Variants in HS3ST5 observed in about 807,000 individuals in gnomAD.
HS3ST5 encodes heparan sulfate glucosamine 3-O-sulfotransferase 5.
Under a neutral mutation model 25.4 loss-of-function variants are expected in HS3ST5, and 10 were observed. The ratio of observed to expected loss-of-function variants is 0.39; its 90% confidence interval spans 0.24 to 0.67. The LOEUF (loss-of-function observed/expected upper bound fraction) is 0.67, where lower values mean the gene tolerates loss of function less well. Among genes scored for constraint, HS3ST5 ranks in the 30% least tolerant of loss-of-function variants. The pLI, the probability that HS3ST5 is intolerant of heterozygous loss-of-function variation, is 0.44. For missense variants in HS3ST5, 324 were observed against 420.7 expected (o/e 0.77, Z 2.01); for synonymous variants, 170 against 162.4 (o/e 1.05, Z -0.36).
intron 3 of HS3ST5, among the ~76,000 whole-genome samples, chr6:114,157,183 A>C (rs575343371): frequency 2.0e-5 from 3 of 152,058 alleles, no homozygotes; most frequent in Admixed American, 6.5e-5. Flanking sequence ...CGAGTGTGAT[A>C]CTTTCTACTT....
intron 2 of HS3ST5, among the ~76,000 whole-genome samples, chr6:114,216,728 T>TA (rs760077446): frequency 0.08 from 7,211 of 90,096 alleles, 306 homozygotes; most frequent in Middle Eastern, 0.12. Context: ...TCGTCCTCCT[T>TA]AAAAAAAAAA....
At chr6:114,230,529 C>A (rs899876213) in intron 1 of HS3ST5, among the ~76,000 whole-genome samples, 13 of 151,288 alleles carry the variant, frequency 8.6e-5, no homozygotes, top group Non-Finnish European at 1.6e-4. Context: ...GGCAGAGACT[C>A]TTTAATAGAT....
chr6:114,173,719 C>T (rs896653930), intron 2 of HS3ST5, among the ~76,000 whole-genome samples: 2 of 151,970 alleles, frequency 1.3e-5, no homozygotes, highest in African/African-American at 2.4e-5. Flanking sequence ...ATTACTTGGA[C>T]GTAGTCGCGG....
At chr6:114,194,467 G>A (rs1343439703) in intron 2 of HS3ST5, among the ~76,000 whole-genome samples, 4 of 152,166 alleles carry the variant, frequency 2.6e-5, no homozygotes, top group Admixed American at 6.6e-5. Context: ...TCTTATGTAA[G>A]GGCTAAACAG....
Position 114,114,968 on chromosome 6 carries a change from G to C in HS3ST5, c.-32-52091C>G, listed in dbSNP as rs138042979. Among the ~76,000 whole-genome samples, 642 of 152,196 alleles carry C rather than the reference G, an allele frequency of 4.2e-3. 2 individuals carry two copies. Among genetic ancestry groups the C allele is most frequent in the Admixed American group, 0.014 (207 of 15,268 alleles). ...TAAGCTTTATAAATGCAAGGACAGT[G>C]TTCATATGGTTCAGTATTTTTTCTG... is the stretch of plus-strand genomic sequence containing the variant. On this transcript the variant is annotated intron_variant, in intron 3 of 4. Transcript: ENST00000312719.
chr6:114,262,017 T>C (rs1317717981), intron 1 of HS3ST5, among the ~76,000 whole-genome samples: 2 of 152,212 alleles, frequency 1.3e-5, no homozygotes, highest in Non-Finnish European at 2.9e-5. Context: ...TTGTTTTCAA[T>C]GCAATTTCAT....
chr6:114,127,924 A>G (rs1355155188), intron 3 of HS3ST5, among the ~76,000 whole-genome samples: 1 of 150,466 alleles, frequency 6.6e-6, no homozygotes, highest in African/African-American at 2.4e-5. Context: ...TTATTCATAT[A>G]TATGGAGAAA....
At chr6:114,324,382 T>C (rs1562276269) in intron 1 of HS3ST5, among the ~76,000 whole-genome samples, 1 of 152,228 alleles carries the variant, frequency 6.6e-6, no homozygotes, top group African/African-American at 2.4e-5. Flanking sequence ...ATCACTTTTC[T>C]TCATCATTTA....
At chr6:114,173,341 G>A (rs1393600623) in intron 2 of HS3ST5, among the ~76,000 whole-genome samples, 1 of 151,964 alleles carries the variant, frequency 6.6e-6, no homozygotes, top group African/African-American at 2.4e-5. Flanking sequence ...GTTGAAAAAA[G>A]TACAAAGAAA....
chr6:114,341,309 GCTCCCTTGGGTGGGTGCC>G (rs1348887578), intron 1 of HS3ST5, among the ~76,000 whole-genome samples: 6 of 151,496 alleles, frequency 4.0e-5, no homozygotes, highest in Non-Finnish European at 8.8e-5. Flanking sequence ...GTGAGCATCA[GCTCCCTTGGGTGGGTGCC>G]CTGAAGCACT....
chr6:114,265,172 AC>A (rs1413826244), intron 1 of HS3ST5, among the ~76,000 whole-genome samples: 2 of 152,136 alleles, frequency 1.3e-5, no homozygotes, highest in African/African-American at 4.8e-5. Context: ...GGTTTAAGCC[AC>A]CTCCCGGCCA....
At chr6:114,326,690 T>C (rs1160982528) in intron 1 of HS3ST5, among the ~76,000 whole-genome samples, 1 of 152,166 alleles carries the variant, frequency 6.6e-6, no homozygotes, top group Non-Finnish European at 1.5e-5. Context: ...TTAGATTTTT[T>C]TTCAGTGAAG....
At chr6:114,321,193 G>A (rs1169744107) in intron 1 of HS3ST5, among the ~76,000 whole-genome samples, 1 of 151,892 alleles carries the variant, frequency 6.6e-6, no homozygotes, top group Non-Finnish European at 1.5e-5. Flanking sequence ...CCGCCTAATA[G>A]CATTGTAGAG....
Position 114,058,117 on chromosome 6 carries a change from G to A in HS3ST5, c.181C>T (p.Leu61=), listed in dbSNP as rs777952604. The A allele has an allele frequency of 1.9e-6, 3 of 1,613,996 alleles. No individual in the cohort carries two copies. In the South Asian group the frequency reaches 3.3e-5, roughly 18 times the overall value. ...TGCAGCAGGCCACGCTTAAACTGCA[G>A]GGCGCGAAGTGGGAATTCAGCCTGA... The part of the protein sequence containing the change: ...RTQAEFPLRA[L]QFKRGLLHEF... The change falls in exon 5 of 5, where the codon CTG becomes TTG. Residue 61 remains leucine (L), a synonymous_variant. Transcript: ENST00000312719.
At chr6:114,074,818 A>G (rs553498170) in intron 3 of HS3ST5, among the ~76,000 whole-genome samples, 89 of 152,268 alleles carry the variant, frequency 5.8e-4, no homozygotes, top group Non-Finnish European at 9.4e-4. Flanking sequence ...AAAATAATAT[A>G]TAATAAGCTT....
At chr6:114,196,278 TC>T (rs1250384181) in intron 2 of HS3ST5, among the ~76,000 whole-genome samples, 5 of 152,102 alleles carry the variant, frequency 3.3e-5, no homozygotes, top group Non-Finnish European at 7.4e-5. Flanking sequence ...CTACATTAAA[TC>T]AGGGAAATTA....
chr6:114,098,886 A>G (rs1775584538), intron 3 of HS3ST5, among the ~76,000 whole-genome samples: 1 of 152,144 alleles, frequency 6.6e-6, no homozygotes, highest in African/African-American at 2.4e-5. Context: ...ATGTATGTAC[A>G]TATATTTGTG....
At chr6:114,139,771 G>T (rs765843606) in intron 3 of HS3ST5, among the ~76,000 whole-genome samples, 1 of 152,180 alleles carries the variant, frequency 6.6e-6, no homozygotes, top group Non-Finnish European at 1.5e-5. Flanking sequence ...ACATTGTTGG[G>T]AGTCAAGAGA....
chr6:114,134,520 C>A (rs1327086950), intron 3 of HS3ST5, among the ~76,000 whole-genome samples: 1 of 152,172 alleles, frequency 6.6e-6, no homozygotes, highest in Non-Finnish European at 1.5e-5. Flanking sequence ...GCACAGGAAG[C>A]AGGACCTGCA....
Sources: gnomAD v4.1 joint callset for allele counts (sites outside exome capture counted in the v4.1 genomes callset) on GRCh38, gnomAD v4.1.1 for gene constraint, MANE v1.5 for transcripts, NCBI Gene and HGNC (gene_info 2026-07-23, HGNC 2026-07-21) for gene names.